Variants in DNAH11 observed in about 807,000 individuals in gnomAD.
DNAH11 encodes dynein axonemal heavy chain 11, also known as axonemal beta dynein heavy chain 11.
Under a neutral mutation model 526.0 loss-of-function variants are expected in DNAH11, and 442 were observed. The observed-to-expected ratio is 0.84, with a 90% confidence interval of 0.78 to 0.91. The LOEUF is 0.91. Ranked by LOEUF, DNAH11 falls within the 40% of genes least tolerant of loss-of-function variation. The probability of loss-of-function intolerance (pLI) is 0.00; values close to 1 mark genes in which losing one functional copy is unlikely to be tolerated. For synonymous variants in DNAH11, 2,461 were observed against 1,935.9 expected (o/e 1.27, Z -7.12); for missense variants, 6,989 against 5,448.7 (o/e 1.28, Z -8.90).
intron 61 of DNAH11, among the ~76,000 whole-genome samples, chr7:21,796,986 G>T (rs897743019): frequency 1.6e-4 from 24 of 152,024 alleles, no homozygotes; most frequent in African/African-American, 5.3e-4. Context: ...AAATGGTAGA[G>T]AAGAACAAAG....
Position 21,690,766 on chromosome 7 carries a change from T to C in DNAH11, c.5926T>C (p.Phe1976Leu), listed in dbSNP as rs779061227. The change falls in exon 35 of 82, where the codon TTT (phenylalanine) becomes CTT (leucine). Residue 1976 changes from phenylalanine (F) to leucine (L), a missense_variant and splice_region_variant. Coordinates refer to ENST00000409508, the MANE Select transcript of DNAH11 (RefSeq NM_001277115.2). Reference protein sequence around the residue: ...HDAIRNRKKRFVFLGEAITLK... With the variant: ...HDAIRNRKKRLVFLGEAITLK... ...TCATCAACATTCTTTTTATGGTAGA[T>C]TTGTATTTCTTGGGGAAGCTATCAC... 1 of 1,599,412 alleles carries C rather than the reference T, an allele frequency of 6.3e-7. No homozygotes were observed. Among genetic ancestry groups the C allele is most frequent in the East Asian group, 2.2e-5 (1 of 44,572 alleles).
chr7:21,709,251 G>A (rs138536152), intron 40 of DNAH11, among the ~76,000 whole-genome samples: 125 of 152,268 alleles, frequency 8.2e-4, no homozygotes, highest in African/African-American at 2.9e-3. Flanking sequence ...CATAAAAAAG[G>A]ACAACATCAT....
intron 46 of DNAH11, among the ~76,000 whole-genome samples, chr7:21,736,069 G>GAACAA (rs1785595439): frequency 6.6e-6 from 1 of 152,110 alleles, no homozygotes; most frequent in South Asian, 2.1e-4. Context: ...TTATGCTTTA[G>GAACAA]AACAGCAAGA....
chr7:21,554,424 C>G (rs913897108), intron 2 of DNAH11, among the ~76,000 whole-genome samples: 10 of 152,122 alleles, frequency 6.6e-5, no homozygotes, highest in Admixed American at 2.6e-4. Context: ...ATCTACCCAT[C>G]TCGGCCTCCC....
chr7:21,579,925 G>A (rs929436208), intron 8 of DNAH11, among the ~76,000 whole-genome samples: 2 of 152,194 alleles, frequency 1.3e-5, no homozygotes, highest in Non-Finnish European at 2.9e-5. Context: ...ATGGAGGATA[G>A]TAGAGAGACT....
Position 21,725,793 on chromosome 7 carries a change from T to A in DNAH11, c.7267-18T>A. On this transcript the variant is annotated intron_variant, in intron 44 of 81. Transcript: ENST00000409508. ...ATTACTTTGAGTCTGCAATAAGGATTTCTTTTGTTCTCCTTAGATTTCTGA... is the reference window on the plus strand; with the variant it reads ...ATTACTTTGAGTCTGCAATAAGGATATCTTTTGTTCTCCTTAGATTTCTGA... 1 of 1,598,934 alleles carries A rather than the reference T, an allele frequency of 6.3e-7. No individual in the cohort carries two copies. The highest frequency in any genetic ancestry group is 8.5e-7 in the Non-Finnish European group (1 of 1,171,690).
intron 2 of DNAH11, among the ~76,000 whole-genome samples, chr7:21,557,480 C>T (rs1046427204): frequency 2.0e-5 from 3 of 152,162 alleles, no homozygotes; most frequent in African/African-American, 7.2e-5. Context: ...ACGGCCCCTT[C>T]TAGCTATGTC....
chr7:21,620,122 T>C, intron 25 of DNAH11, 44 bp downstream of exon 25: 1 of 1,425,386 alleles, frequency 7.0e-7, no homozygotes, highest in Non-Finnish European at 9.4e-7. Flanking sequence ...ATTTTATTTT[T>C]ATTTGACAAA....
At chr7:21,805,323 T>C (rs1006859750) in intron 62 of DNAH11, among the ~76,000 whole-genome samples, 1 of 152,198 alleles carries the variant, frequency 6.6e-6, no homozygotes, top group African/African-American at 2.4e-5. Context: ...AAATATGAGC[T>C]TCGCAAGAAC....
At chr7:21,802,184 A>T (rs904804282) in intron 62 of DNAH11, among the ~76,000 whole-genome samples, 7 of 152,254 alleles carry the variant, frequency 4.6e-5, no homozygotes, top group African/African-American at 1.7e-4. Context: ...GAATTTGAAT[A>T]GACATTTCTC....
chr7:21,693,347 A>G (rs1376796700), intron 35 of DNAH11, among the ~76,000 whole-genome samples: 5 of 152,228 alleles, frequency 3.3e-5, no homozygotes, highest in Non-Finnish European at 5.9e-5. Flanking sequence ...GTATTTTATT[A>G]ATAGGTACTG....
At position 21,600,732 on chromosome 7, in the gene DNAH11, A is replaced by G. The variant is rs766738650; in HGVS notation, c.3057A>G (p.Arg1019=). The G allele has an allele frequency of 3.7e-6, 6 of 1,613,738 alleles. No homozygotes were observed. In the South Asian group the frequency reaches 6.6e-5, roughly 18 times the overall value. Residue 1019 remains arginine (R), a synonymous_variant, in exon 16 of 82, where the codon AGA becomes AGG. Transcript: ENST00000409508. ...AGGTCAGGCAGGAGATCATGAACAG[A>G]GTGGTGAATGTCATCAACAAAGTCT... The part of the protein sequence containing the change: ...LAEVRQEIMN[R]VVNVINKVLD...
intron 70 of DNAH11, among the ~76,000 whole-genome samples, 183 bp downstream of exon 70, chr7:21,864,840 T>G (rs549871337): frequency 2.9e-3 from 446 of 152,380 alleles, no homozygotes; most frequent in Middle Eastern, 6.8e-3. Flanking sequence ...ATTTCTCATT[T>G]AGATGTAAAG....
chr7:21,585,549 C>A (rs904438417), intron 9 of DNAH11, among the ~76,000 whole-genome samples: 1 of 152,174 alleles, frequency 6.6e-6, no homozygotes, highest in African/African-American at 2.4e-5. Context: ...AAGTATAGTA[C>A]TTTAAAATCT....
At chr7:21,860,103 G>A (rs1381509806) in intron 68 of DNAH11, among the ~76,000 whole-genome samples, 5 of 152,120 alleles carry the variant, frequency 3.3e-5, no homozygotes, top group South Asian at 2.1e-4. Flanking sequence ...GGACCGGGAG[G>A]TTGAGGCTGC....
In DNAH11 at chr7:21,666,563, C is replaced by A. The variant is rs182777154; in HGVS notation, c.5328+7532C>A. Among the ~76,000 whole-genome samples, 7 of 152,108 alleles carry A rather than the reference C, an allele frequency of 4.6e-5. No individual in the cohort carries two copies. In the East Asian group the frequency reaches 9.7e-4, roughly 21 times the overall value. ...CCTCTCAACAAAGACTCAGAAATACCAGTATACATATAAGAAAGAGACCCT... is the reference window on the plus strand; with the variant it reads ...CCTCTCAACAAAGACTCAGAAATACAAGTATACATATAAGAAAGAGACCCT... On this transcript the variant is annotated intron_variant, in intron 30 of 81. Coordinates refer to ENST00000409508, the MANE Select transcript of DNAH11 (RefSeq NM_001277115.2).
At chr7:21,616,807 A>C (rs546593265) in intron 22 of DNAH11, among the ~76,000 whole-genome samples, 1 of 152,238 alleles carries the variant, frequency 6.6e-6, no homozygotes, top group East Asian at 1.9e-4. Context: ...TACTTATTGG[A>C]ATTTGATGTC....
At chr7:21,632,955 T>G (rs542034705) in intron 25 of DNAH11, among the ~76,000 whole-genome samples, 19 of 152,310 alleles carry the variant, frequency 1.2e-4, no homozygotes, top group African/African-American at 4.1e-4. Context: ...GAAAGAGGTT[T>G]ATTGGACATA....
chr7:21,572,181 C>A (rs912519191), intron 8 of DNAH11, among the ~76,000 whole-genome samples: 2 of 152,118 alleles, frequency 1.3e-5, no homozygotes, highest in Non-Finnish European at 2.9e-5. Context: ...TTCAGAATGA[C>A]GGCTGATAAA....
Sources: allele counts gnomAD v4.1 joint callset (sites outside exome capture counted in the v4.1 genomes callset), GRCh38; gene constraint gnomAD v4.1.1; transcripts MANE v1.5; gene names NCBI Gene and HGNC (gene_info 2026-07-23, HGNC 2026-07-21).